The following RGS7 variants were observed in gnomAD, a reference collection of about 807,000 sequenced individuals.
RGS7 encodes regulator of G-protein signaling 7.
Under a neutral mutation model 81.1 loss-of-function variants are expected in RGS7, and 27 were observed. The ratio of observed to expected loss-of-function variants is 0.33; its 90% CI spans 0.25 to 0.46. RGS7 has a LOEUF of 0.46. Ranked by LOEUF, RGS7 falls within the 20% of genes least tolerant of loss-of-function variation. The pLI is 1.00. For missense variants in RGS7, 396 were observed against 607.4 expected (o/e 0.65, Z 3.66); for synonymous variants, 208 against 207.7 (o/e 1.00, Z -0.01).
chr1:240,993,210 AAAG>A (rs1280900715), intron 3 of RGS7, among the ~76,000 whole-genome samples: 1 of 150,790 alleles, frequency 6.6e-6, no homozygotes, highest in Non-Finnish European at 1.5e-5. Context: ...GAAGGAGAGA[AAAG>A]AAAGGAAGGA....
intron 3 of RGS7, among the ~76,000 whole-genome samples, chr1:241,012,055 G>A (rs1373893351): frequency 1.3e-5 from 2 of 152,102 alleles, no homozygotes; most frequent in African/African-American, 4.8e-5. Context: ...CTTTCTTGGG[G>A]TCTGGACTGG....
Position 240,882,728 on chromosome 1 carries a change from A to G in RGS7, c.386-12609T>C, listed in dbSNP as rs116080635. On this transcript the variant is annotated intron_variant, in intron 6 of 18. Transcript: ENST00000440928. ...TCCATTTTTTTTCATTTCTGAGAATATGGCTTCTCCTTTAAGAACTGTTAT... is the reference window on the plus strand; with the variant it reads ...TCCATTTTTTTTCATTTCTGAGAATGTGGCTTCTCCTTTAAGAACTGTTAT... 6.4e-3 allele frequency among the ~76,000 whole-genome samples: 980 copies of G among 152,132 alleles called. 5 individuals carry two copies. The highest frequency in any genetic ancestry group is 0.011 in the Non-Finnish European group (758 of 68,000).
chr1:240,798,217 T>C (rs1003062812), intron 18 of RGS7, among the ~76,000 whole-genome samples: 2 of 152,074 alleles, frequency 1.3e-5, no homozygotes, highest in African/African-American at 4.8e-5. Flanking sequence ...TTTTGGAAAA[T>C]TGAAAGTGCA....
chr1:241,331,346 A>G (rs993486999), intron 2 of RGS7, among the ~76,000 whole-genome samples: 1 of 152,150 alleles, frequency 6.6e-6, no homozygotes, highest in Non-Finnish European at 1.5e-5. Flanking sequence ...ATGGACTTAA[A>G]AAAAATCTAG....
intron 2 of RGS7, among the ~76,000 whole-genome samples, chr1:241,277,810 T>C (rs1222715154): frequency 2.0e-5 from 3 of 152,212 alleles, no homozygotes; most frequent in Admixed American, 1.3e-4. Context: ...AGAGGTCTAG[T>C]AGCTGAGGCA....
At chr1:240,835,073 C>T (rs1351363614) in intron 9 of RGS7, among the ~76,000 whole-genome samples, 1 of 151,950 alleles carries the variant, frequency 6.6e-6, no homozygotes, top group Non-Finnish European at 1.5e-5. Flanking sequence ...GATACCCTAT[C>T]GAAGGCACAA....
At chr1:241,082,554 G>A (rs1380840709) in intron 3 of RGS7, among the ~76,000 whole-genome samples, 2 of 152,210 alleles carry the variant, frequency 1.3e-5, no homozygotes, top group Non-Finnish European at 2.9e-5. Flanking sequence ...TACTGTGATG[G>A]TTACTAGAGG....
At chr1:240,945,648 A>T (rs1678477740) in intron 4 of RGS7, among the ~76,000 whole-genome samples, 1 of 152,266 alleles carries the variant, frequency 6.6e-6, no homozygotes, top group African/African-American at 2.4e-5. Flanking sequence ...TCACTGAAAC[A>T]GTCACAGTTT....
intron 3 of RGS7, among the ~76,000 whole-genome samples, chr1:241,053,311 C>T (rs2061340937): frequency 6.6e-6 from 1 of 152,122 alleles, no homozygotes; most frequent in Non-Finnish European, 1.5e-5. Flanking sequence ...GCAAGCAGGC[C>T]CTTACAGGCC....
chr1:240,932,986 C>A (rs1490367360), intron 5 of RGS7, among the ~76,000 whole-genome samples: 13 of 147,856 alleles, frequency 8.8e-5, no homozygotes, highest in Admixed American at 8.8e-4. Flanking sequence ...CGGGTTCACG[C>A]CATTCTCCTG....
intron 9 of RGS7, among the ~76,000 whole-genome samples, chr1:240,857,666 C>T (rs1028067438): frequency 6.6e-6 from 1 of 152,066 alleles, no homozygotes; most frequent in Non-Finnish European, 1.5e-5. Context: ...TTCATTTGTA[C>T]GATGCATTTA....
At chr1:241,136,180 G>T (rs747090854) in intron 2 of RGS7, among the ~76,000 whole-genome samples, 1 of 152,146 alleles carries the variant, frequency 6.6e-6, no homozygotes, top group Non-Finnish European at 1.5e-5. Flanking sequence ...GATGGTGGAG[G>T]AAAGATAAGT....
rs1466356689 is a variant in RGS7 at position 241,023,326 on chromosome 1, C to T, written c.176-40197G>A. Among the ~76,000 whole-genome samples the T allele has an allele frequency of 3.9e-5, 6 of 152,180 alleles. No individual in the cohort carries two copies. In the East Asian group the frequency reaches 1.2e-3, roughly 29 times the overall value. ...CTCGTAGATGTACATTTTCTCTCTG[C>T]TCCTTTAGGTGTAAATCTTTTTAAA... On this transcript the variant is annotated intron_variant, in intron 3 of 18. Transcript: ENST00000440928.
At chr1:241,027,846 T>G (rs1393675610) in intron 3 of RGS7, among the ~76,000 whole-genome samples, 1 of 152,140 alleles carries the variant, frequency 6.6e-6, no homozygotes, top group Non-Finnish European at 1.5e-5. Flanking sequence ...ATGTCTAGTG[T>G]GTAGGAGAAT....
chr1:241,273,004 G>A (rs957121320), intron 2 of RGS7, among the ~76,000 whole-genome samples: 1 of 152,030 alleles, frequency 6.6e-6, no homozygotes, highest in African/African-American at 2.4e-5. Flanking sequence ...ATGTGTGTGT[G>A]TCTGTGTGTG....
intron 9 of RGS7, among the ~76,000 whole-genome samples, chr1:240,859,747 A>T (rs1186043459): frequency 6.6e-6 from 1 of 152,008 alleles, no homozygotes; most frequent in South Asian, 2.1e-4. Context: ...TCTTCTACTT[A>T]CTTTGGATTT....
At chr1:240,999,745 C>A (rs1687847558) in intron 3 of RGS7, among the ~76,000 whole-genome samples, 1 of 149,940 alleles carries the variant, frequency 6.7e-6, no homozygotes, top group African/African-American at 2.5e-5. Context: ...GGACTACAAG[C>A]ATGTGCCACC....
intron 3 of RGS7, among the ~76,000 whole-genome samples, chr1:241,097,547 G>T (rs2064356239): frequency 6.6e-6 from 1 of 152,060 alleles, no homozygotes. Flanking sequence ...TGGTCATGAG[G>T]AAGCAGCCTG....
intron 2 of RGS7, among the ~76,000 whole-genome samples, chr1:241,161,671 A>G (rs2069684767): frequency 6.6e-6 from 1 of 150,858 alleles, no homozygotes; most frequent in Non-Finnish European, 1.5e-5. Context: ...GTATGTATAC[A>G]TGTAATACAT....
Sources: allele counts gnomAD v4.1 joint callset (sites outside exome capture counted in the v4.1 genomes callset), GRCh38; gene constraint gnomAD v4.1.1; transcripts MANE v1.5; gene names NCBI Gene and HGNC (gene_info 2026-07-23, HGNC 2026-07-21).